VTI1A: variants seen among roughly 807,000 people sequenced by gnomAD.
VTI1A encodes vesicle transport through interaction with t-SNAREs 1A, also known as vesicle transport through interaction with t-SNAREs homolog 1A.
VTI1A carries 22 observed loss-of-function variants against 34.9 expected under a neutral mutation model. The ratio of observed to expected loss-of-function variants is 0.63; its 90% confidence interval spans 0.45 to 0.90. The LOEUF (loss-of-function observed/expected upper bound fraction) is 0.90, where lower values mean the gene tolerates loss of function less well. VTI1A is among the 40% of genes least tolerant of loss of function. VTI1A has a pLI of 0.00. For synonymous variants in VTI1A, 87 were observed against 97.3 expected (o/e 0.89, Z 0.62); for missense variants, 268 against 275.6 (o/e 0.97, Z 0.20).
At chr10:112,596,140 C>T (rs1324329189) in intron 5 of VTI1A, among the ~76,000 whole-genome samples, 1 of 146,582 alleles carries the variant, frequency 6.8e-6, no homozygotes, top group East Asian at 2.0e-4. Context: ...GGAAGGGGAA[C>T]ATCACACTCT....
At chr10:112,649,310 A>C (rs1223689218) in intron 5 of VTI1A, among the ~76,000 whole-genome samples, 1 of 152,226 alleles carries the variant, frequency 6.6e-6, no homozygotes, top group Non-Finnish European at 1.5e-5. Flanking sequence ...GTTTATGTGA[A>C]AAAAGAAGTT....
At position 112,618,524 on chromosome 10, in the gene VTI1A, T is replaced by TAGAGAGAGAGAGAGAGAGAGAGAGAG. The variant is rs6144094; in HGVS notation, c.428-49670_428-49669insAGAGAGAGAGAGAGAGAGAGAGAGAG. On this transcript the variant is annotated intron_variant, in intron 5 of 7. Coordinates refer to ENST00000393077, the MANE Select transcript of VTI1A (RefSeq NM_145206.4). ...ATATATATATATATATATATATATA[T>TAGAGAGAGAGAGAGAGAGAGAGAGAG]AGAGAGAGAGAGAGAGAGAGAGAGT... 1.0e-3 allele frequency among the ~76,000 whole-genome samples: 36 copies of TAGAGAGAGAGAGAGAGAGAGAGAGAG among 34,572 alleles called. 1 individual carries two copies. The highest frequency in any genetic ancestry group is 2.9e-3 in the African/African-American group (18 of 6,148). 22.7% of individuals were successfully genotyped at this position (34,572 alleles called of 152,430 possible). A position where few individuals can be genotyped will look rare whatever the true frequency, so the allele number is the denominator to read the frequency against.
intron 7 of VTI1A, among the ~76,000 whole-genome samples, chr10:112,704,216 T>A (rs1382013990): frequency 1.3e-5 from 2 of 152,210 alleles, no homozygotes; most frequent in Non-Finnish European, 2.9e-5. Context: ...CATTGACCAG[T>A]TTAAATATTT....
In VTI1A at chr10:112,759,181, C is replaced by T. The variant is rs192946118; in HGVS notation, c.561-56109C>T. ...CTACAGTGAGAGAGAAAAAGAAGCC[C>T]GAGGCAATGCTGATGTGGAGAGGTG... On this transcript the variant is annotated intron_variant, in intron 7 of 7. Transcript: ENST00000393077. Among the ~76,000 whole-genome samples the T allele has an allele frequency of 1.5e-3, 227 of 152,246 alleles. 1 individual carries two copies. Among genetic ancestry groups the T allele is most frequent in the Non-Finnish European group, 3.5e-4 (24 of 68,028 alleles).
the VTI1A span, among the ~76,000 whole-genome samples, chr10:112,848,715 G>T: frequency 1.3e-5 from 2 of 152,164 alleles, no homozygotes; most frequent in South Asian, 2.1e-4. Flanking sequence ...AGCCAGAGAA[G>T]CAAAAAAGTG....
chr10:112,459,998 A>G (rs1418943901), intron 1 of VTI1A, among the ~76,000 whole-genome samples: 1 of 152,172 alleles, frequency 6.6e-6, no homozygotes, highest in Non-Finnish European at 1.5e-5. Context: ...ATAACCATTG[A>G]GTGAGATAGT....
At chr10:112,690,841 A>G (rs74156803) in intron 7 of VTI1A, among the ~76,000 whole-genome samples, 2,748 of 152,276 alleles carry the variant, frequency 0.018, 66 homozygotes, top group African/African-American at 0.061. Flanking sequence ...TGTCTATTAT[A>G]TGTGTGTGCA....
chr10:112,556,629 A>G (rs1371550164), intron 5 of VTI1A, among the ~76,000 whole-genome samples: 1 of 152,146 alleles, frequency 6.6e-6, no homozygotes, highest in South Asian at 2.1e-4. Context: ...ATATTTCACC[A>G]TTGTAAAAAT....
chr10:112,543,080 A>G (rs1213517862), intron 5 of VTI1A, among the ~76,000 whole-genome samples: 2 of 152,208 alleles, frequency 1.3e-5, no homozygotes, highest in Non-Finnish European at 2.9e-5. Flanking sequence ...TCTATCATTG[A>G]TGAACATTTG....
At chr10:112,564,306 T>C (rs1851830002) in intron 5 of VTI1A, among the ~76,000 whole-genome samples, 1 of 151,550 alleles carries the variant, frequency 6.6e-6, no homozygotes, top group Non-Finnish European at 1.5e-5. Flanking sequence ...ACAAAAGCAA[T>C]AGAAAGAAAA....
chr10:112,526,174 C>T (rs1317161246), intron 3 of VTI1A, among the ~76,000 whole-genome samples: 1 of 152,168 alleles, frequency 6.6e-6, no homozygotes, highest in African/African-American at 2.4e-5. Flanking sequence ...ACTTTAGCTT[C>T]CCAACGAATT....
intron 5 of VTI1A, among the ~76,000 whole-genome samples, chr10:112,608,866 T>G (rs1262377754): frequency 6.6e-6 from 1 of 152,240 alleles, no homozygotes; most frequent in Non-Finnish European, 1.5e-5. Flanking sequence ...TGATGTTAAA[T>G]GATCAGGATG....
At chr10:112,473,103 CTTTT>C (rs201001465) in intron 3 of VTI1A, among the ~76,000 whole-genome samples, 9 of 133,858 alleles carry the variant, frequency 6.7e-5, no homozygotes, top group South Asian at 4.8e-4. Context: ...ATTTGATCCA[CTTTT>C]TTTTTTTTTT....
intron 7 of VTI1A, among the ~76,000 whole-genome samples, chr10:112,795,283 G>A (rs1852631799): frequency 6.6e-6 from 1 of 152,120 alleles, no homozygotes; most frequent in Admixed American, 6.5e-5. Flanking sequence ...TCTGGAAAAT[G>A]GGAACATTGA....
downstream of VTI1A, among the ~76,000 whole-genome samples, chr10:112,821,230 C>G (rs1353650413): frequency 6.6e-6 from 1 of 152,180 alleles, no homozygotes; most frequent in Non-Finnish European, 1.5e-5. Flanking sequence ...TCAGCGGCTC[C>G]GAAGCCGTAT....
chr10:112,471,646 A>G (rs1848088528), intron 3 of VTI1A, among the ~76,000 whole-genome samples: 1 of 152,034 alleles, frequency 6.6e-6, no homozygotes, highest in African/African-American at 2.4e-5. Context: ...ATAAAAATGT[A>G]TTTAATAGTC....
rs536636104 is a variant in VTI1A, at chr10:112,673,780, C to A, written c.560+4782C>A. Among the ~76,000 whole-genome samples the A allele has an allele frequency of 5.3e-5, 8 of 152,290 alleles. No individual in the cohort carries two copies. In the South Asian group the frequency reaches 1.7e-3, roughly 32 times the overall value. Reference sequence around the variant, plus strand: ...TTTGGTAGAATGACAGGTAAAACATCTGGAAAGCTTAAATGCACTGTCAGA... The same window carrying A: ...TTTGGTAGAATGACAGGTAAAACATATGGAAAGCTTAAATGCACTGTCAGA... On this transcript the variant is annotated intron_variant, in intron 7 of 7. Coordinates refer to ENST00000393077, the MANE Select transcript of VTI1A (RefSeq NM_145206.4).
chr10:112,696,170 A>G (rs1174841016), intron 7 of VTI1A, among the ~76,000 whole-genome samples: 3 of 151,840 alleles, frequency 2.0e-5, no homozygotes, highest in Non-Finnish European at 4.4e-5. Context: ...CTGTATCTCC[A>G]TCAGAGCTAC....
At chr10:112,645,700 C>T (rs565432729) in intron 5 of VTI1A, among the ~76,000 whole-genome samples, 9 of 152,150 alleles carry the variant, frequency 5.9e-5, no homozygotes, top group South Asian at 2.1e-4. Flanking sequence ...ACTTCTAAAA[C>T]GCTCCTGATT....
Sources: allele counts gnomAD v4.1 joint callset (sites outside exome capture counted in the v4.1 genomes callset), GRCh38; gene constraint gnomAD v4.1.1; transcripts MANE v1.5; gene names NCBI Gene and HGNC (gene_info 2026-07-23, HGNC 2026-07-21).